The following PNMA2 variants were observed in gnomAD, a reference collection of about 807,000 sequenced individuals.
The protein encoded by PNMA2 is PNMA family member 2, also known as paraneoplastic antigen Ma2.
For synonymous variants in PNMA2, 175 were observed against 183.5 expected (o/e 0.95, Z 0.38); for missense variants, 455 against 452.9 (o/e 1.00, Z -0.04).
Position 26,507,535 on chromosome 8 carries a change from G to A in PNMA2, c.*126C>T. On this transcript the variant is annotated 3_prime_UTR_variant, in exon 3 of 3. Transcript: ENST00000522362. ...GAGAAGGAGAGAAGGAGGAAGGGAG[G>A]GAAGGAAGGAAGGAAGGAAGGTCAA... 2.8e-6 allele frequency: 2 copies of A among 704,578 alleles called. No individual in the cohort carries two copies. The highest frequency in any genetic ancestry group is 4.5e-6 in the Non-Finnish European group (2 of 443,574). The allele number at this position is 704,578 out of a possible 1,614,324, so 43.6% of individuals were successfully genotyped here.
In PNMA2 at chr8:26,507,266, C is replaced by G. The variant is rs1324750386; in HGVS notation, c.*395G>C. On this transcript the variant is annotated 3_prime_UTR_variant, in exon 3 of 3. Coordinates refer to ENST00000522362, the MANE Select transcript of PNMA2 (RefSeq NM_007257.6). Reference sequence around the variant, plus strand: ...CAACACAGCAAAACCCTGTCTCTACCAAAAATACAAAAGAATAGCTAGGCA... The same window carrying G: ...CAACACAGCAAAACCCTGTCTCTACGAAAAATACAAAAGAATAGCTAGGCA... The G allele has an allele frequency of 6.4e-6, 1 of 156,174 alleles. No individual in the cohort carries two copies. The highest frequency in any genetic ancestry group is 1.9e-4 in the East Asian group (1 of 5,314). The allele number at this position is 156,174 out of a possible 1,614,324, so 9.7% of individuals were successfully genotyped here.
chr8:26,510,407 A>G (rs1808128736), intron 1 of PNMA2, among the ~76,000 whole-genome samples: 1 of 152,172 alleles, frequency 6.6e-6, no homozygotes, highest in Non-Finnish European at 1.5e-5. Flanking sequence ...ATAGACTAAG[A>G]CAATAAGTTA....
At chr8:26,511,994 T>C (rs2117585040) in intron 1 of PNMA2, among the ~76,000 whole-genome samples, 1 of 152,342 alleles carries the variant, frequency 6.6e-6, no homozygotes, top group East Asian at 1.9e-4. Context: ...AGAAACACCC[T>C]TGATATACAA....
Position 26,508,043 on chromosome 8 carries a change from T to G in PNMA2, c.713A>C (p.Lys238Thr), listed in dbSNP as rs748084769. The G allele has an allele frequency of 1.2e-6, 2 of 1,614,256 alleles. No homozygotes were observed. The highest frequency in any genetic ancestry group is 8.5e-7 in the Non-Finnish European group (1 of 1,180,042). ...ISVEECLEAF[K>T]QVFGSLESRR... The stretch of plus-strand genomic sequence containing the variant: ...GCTCTCTAGGCTCCCAAACACTTGC[T>G]TAAAGGCCTCCAAACACTCTTCTAC... Residue 238 changes from lysine to threonine, a missense_variant, in exon 3 of 3, where the codon AAG becomes ACG. By Grantham distance (78) the Lys-to-Thr change is moderately conservative. Transcript: ENST00000522362. The surrounding 1 kb of genome is among the most constrained non-coding windows in gnomAD (Gnocchi z 5.5).
At chr8:26,510,312 G>A (rs190017069) in intron 1 of PNMA2, among the ~76,000 whole-genome samples, 2 of 152,252 alleles carry the variant, frequency 1.3e-5, no homozygotes, top group East Asian at 1.9e-4. Flanking sequence ...CATACTTCTT[G>A]TACAGCCTGC....
Position 26,508,361 on chromosome 8 carries a change from G to T in PNMA2, c.395C>A (p.Ala132Asp). ...RALGQEGVSP[A>D]TVPCISPELL... is the part of the protein sequence containing the mutation. ...TTCTGGTGAGATGCAGGGCACTGTGGCTGGAGACACGCCCTCCTGCCCCAG... is the reference window on the plus strand; with the variant it reads ...TTCTGGTGAGATGCAGGGCACTGTGTCTGGAGACACGCCCTCCTGCCCCAG... Residue 132 changes from alanine to aspartate, a missense_variant, in exon 3 of 3, where the codon GCC becomes GAC. Transcript: ENST00000522362. This position sits in a 1 kb window ranked among gnomAD's most constrained non-coding sequence, Gnocchi z 5.5. 6.2e-7 allele frequency: 1 copy of T among 1,614,094 alleles called. No individual in the cohort carries two copies. Among genetic ancestry groups the T allele is most frequent in the Non-Finnish European group, 8.5e-7 (1 of 1,179,970 alleles).
chr8:26,507,699 C>A lies in PNMA2; in HGVS notation c.1057G>T (p.Asp353Tyr), dbSNP rs1470416049. Residue 353 changes from aspartate to tyrosine, a missense_variant, in exon 3 of 3, where the codon GAT becomes TAT. Asp to Tyr is a radical substitution (Grantham distance 160). Transcript: ENST00000522362. ...NESIEEPEER[D>Y]GYGRWNHEGD... ...TCATGATTCCAGCGGCCATAGCCAT[C>A]TCGTTCCTCTGGCTCTTCGATACTC... 1 of 1,580,584 alleles carries A rather than the reference C, an allele frequency of 6.3e-7. No individual in the cohort carries two copies. Among genetic ancestry groups the A allele is most frequent in the East Asian group, 2.2e-5 (1 of 44,682 alleles).
rs112812789 is a variant in PNMA2, at chr8:26,513,451, C to G, written c.-619+365G>C. ...AGTGGATGCACGAAGCGGGAACCTT[C>G]TCGTTTCAGTCTCTGCTCCCTGCAG... On this transcript the variant is annotated intron_variant, in intron 1 of 2. Coordinates refer to ENST00000522362, the MANE Select transcript of PNMA2 (RefSeq NM_007257.6). 1.5e-4 allele frequency among the ~76,000 whole-genome samples: 22 copies of G among 147,628 alleles called. No homozygotes were observed. The East Asian group carries it at 4.6e-3, about 31-fold the overall frequency.
In PNMA2 at chr8:26,507,826, G is replaced by C. The variant is rs1211131178; in HGVS notation, c.930C>G (p.Cys310Trp). 8 of 1,613,688 alleles carry C rather than the reference G, an allele frequency of 5.0e-6. No individual in the cohort carries two copies. The South Asian group carries it at 8.8e-5, about 18-fold the overall frequency. ...CCTGATCCTTCAGCTCCCTAAGCCG[G>C]CACCACAGCATCTGGTTAAGAGTGG... is the stretch of plus-strand genomic sequence containing the variant. ...AGATLNQMLWCRLRELKDQGP... is the reference protein window; with the variant it reads ...AGATLNQMLWWRLRELKDQGP... Residue 310 changes from cysteine to tryptophan, a missense_variant, in exon 3 of 3, where the codon TGC (cysteine) becomes TGG (tryptophan). By Grantham distance (215) the Cys-to-Trp change is radical. Coordinates refer to ENST00000522362, the MANE Select transcript of PNMA2 (RefSeq NM_007257.6).
chr8:26,505,373 C>CTACA lies in PNMA2; in HGVS notation c.*2284_*2287dup, dbSNP rs1808029928. ...CAGTATGCACAAATCTACCACAAGA[C>CTACA]TACACATCAACTGTGTTGGAGATTT... On this transcript the variant is annotated 3_prime_UTR_variant, in exon 3 of 3. Transcript: ENST00000522362. The CTACA allele has an allele frequency of 6.2e-6, 1 of 161,538 alleles. No individual in the cohort carries two copies. The highest frequency in any genetic ancestry group is 1.4e-5 in the Non-Finnish European group (1 of 71,296). The allele number at this position is 161,538 out of a possible 1,614,324, so 10.0% of individuals were successfully genotyped here.
rs1808094217 is a variant in PNMA2, at chr8:26,508,609, A to G, written c.147T>C (p.Tyr49=). Residue 49 remains tyrosine (Y), a synonymous_variant, in exon 3 of 3, where the codon TAT becomes TAC. Coordinates refer to ENST00000522362, the MANE Select transcript of PNMA2 (RefSeq NM_007257.6). The surrounding 1 kb of genome is among the most constrained non-coding windows in gnomAD (Gnocchi z 5.5). ...TCCGGAATATCTTGCCAAGCAGTCT[A>G]TACCTGCCCAGAGACTTTAAAGTCT... ...LQETLKSLGR[Y]RLLGKIFRKQ... 16 of 1,614,180 alleles carry G rather than the reference A, an allele frequency of 9.9e-6. No individual in the cohort carries two copies. The East Asian group carries it at 3.1e-4, about 31-fold the overall frequency.
Position 26,508,988 on chromosome 8 carries a change from T to C in PNMA2, c.-233A>G. The stretch of plus-strand genomic sequence containing the variant: ...TTCTTGTCTTTAGGCCTGACCCAGG[T>C]GGGCAGGTCGTATCTCAGTTCTAAC... On this transcript the variant is annotated 5_prime_UTR_variant, in exon 3 of 3. Coordinates refer to ENST00000522362, the MANE Select transcript of PNMA2 (RefSeq NM_007257.6). This position sits in a 1 kb window ranked among gnomAD's most constrained non-coding sequence, Gnocchi z 5.5. 8.5e-7 allele frequency: 1 copy of C among 1,181,694 alleles called. No individual in the cohort carries two copies. The highest frequency in any genetic ancestry group is 1.1e-6 in the Non-Finnish European group (1 of 904,764). 73.2% of individuals were successfully genotyped at this position (1,181,694 alleles called of 1,614,324 possible).
chr8:26,508,612 C>A lies in PNMA2; in HGVS notation c.144G>T (p.Arg48Ser), dbSNP rs753872409. The change falls in exon 3 of 3, where the codon AGG (arginine) becomes AGT (serine). Residue 48 changes from arginine to serine, a missense_variant. Physicochemically the swap from Arg to Ser is moderately radical, Grantham distance 110. Coordinates refer to ENST00000522362, the MANE Select transcript of PNMA2 (RefSeq NM_007257.6). The surrounding 1 kb of genome is among the most constrained non-coding windows in gnomAD (Gnocchi z 5.5). ...VLQETLKSLG[R>S]YRLLGKIFRK... ...GGAATATCTTGCCAAGCAGTCTATACCTGCCCAGAGACTTTAAAGTCTCCT... is the reference window on the plus strand; with the variant it reads ...GGAATATCTTGCCAAGCAGTCTATAACTGCCCAGAGACTTTAAAGTCTCCT... 4 of 1,614,180 alleles carry A rather than the reference C, an allele frequency of 2.5e-6. No homozygotes were observed. Among genetic ancestry groups the A allele is most frequent in the East Asian group, 4.5e-5 (2 of 44,870 alleles).
chr8:26,507,312 C>G lies in PNMA2; in HGVS notation c.*349G>C, dbSNP rs1455395757. 1.1e-5 allele frequency: 2 copies of G among 182,198 alleles called. No homozygotes were observed. The highest frequency in any genetic ancestry group is 1.2e-4 in the Admixed American group (2 of 16,774). The allele number at this position is 182,198 out of a possible 1,614,324, so 11.3% of individuals were successfully genotyped here. On this transcript the variant is annotated 3_prime_UTR_variant, in exon 3 of 3. Coordinates refer to ENST00000522362, the MANE Select transcript of PNMA2 (RefSeq NM_007257.6). Reference sequence around the variant, plus strand: ...AGGCATGGTGGTGCGTGCCTGTAGTCCCAGGTACTTGGGAGGCTAAGGTGT... The same window carrying G: ...AGGCATGGTGGTGCGTGCCTGTAGTGCCAGGTACTTGGGAGGCTAAGGTGT...
rs191314113 is a variant in PNMA2, at chr8:26,504,868, T to C, written c.*2793A>G. The C allele has an allele frequency of 1.2e-4, 18 of 152,666 alleles. No homozygotes were observed. Among genetic ancestry groups the C allele is most frequent in the Admixed American group, 6.5e-4 (10 of 15,296 alleles). The allele number at this position is 152,666 out of a possible 1,614,324, so 9.5% of individuals were successfully genotyped here. A position where few individuals can be genotyped will look rare whatever the true frequency, so the allele number is the denominator to read the frequency against. On this transcript the variant is annotated 3_prime_UTR_variant, in exon 3 of 3. Coordinates refer to ENST00000522362, the MANE Select transcript of PNMA2 (RefSeq NM_007257.6). Reference sequence around the variant, plus strand: ...GTGGAACAGTATTAAAAATAGAATTTAGAAAGATAAATGATCACAAGTGAT... The same window carrying C: ...GTGGAACAGTATTAAAAATAGAATTCAGAAAGATAAATGATCACAAGTGAT...
intron 1 of PNMA2, among the ~76,000 whole-genome samples, chr8:26,511,151 CA>C (rs34369103): frequency 0.039 from 4,497 of 115,792 alleles, 201 homozygotes; most frequent in African/African-American, 0.14. Flanking sequence ...GACTCTGTCT[CA>C]AAAAAAAAAA....
rs1808109822 is a variant in PNMA2 at position 26,509,382 on chromosome 8, C to A, written c.-488-139G>T. 1 of 152,328 alleles carries A rather than the reference C, an allele frequency of 6.6e-6. No individual in the cohort carries two copies. Among genetic ancestry groups the A allele is most frequent in the Non-Finnish European group, 1.5e-5 (1 of 68,108 alleles). The allele number at this position is 152,328 out of a possible 1,614,324, so 9.4% of individuals were successfully genotyped here. A position where few individuals can be genotyped will look rare whatever the true frequency, so the allele number is the denominator to read the frequency against. ...TGCATTTGTCCCACTCTGTCAGACC[C>A]CTTCTTTGCTCACTGTGACTTTTTT... On this transcript the variant is annotated intron_variant, in intron 2 of 2. Coordinates refer to ENST00000522362, the MANE Select transcript of PNMA2 (RefSeq NM_007257.6). This position sits in a 1 kb window ranked among gnomAD's most constrained non-coding sequence, Gnocchi z 5.7.
chr8:26,513,261 G>A (rs1808201118), intron 1 of PNMA2, among the ~76,000 whole-genome samples: 1 of 151,866 alleles, frequency 6.6e-6, no homozygotes, highest in South Asian at 2.1e-4. Context: ...TCTTTAAGTC[G>A]TGGCCCTGGG....
rs138447032 is a variant in PNMA2 at position 26,507,718 on chromosome 8, G to A, written c.1038C>T (p.Ile346=). The change falls in exon 3 of 3, where the codon ATC becomes ATT. Residue 346 remains isoleucine (I), a synonymous_variant. Transcript: ENST00000522362. ...EEEASFENES[I]EEPEERDGYG... is the part of the protein sequence containing the mutation. Reference sequence around the variant, plus strand: ...AGCCATCTCGTTCCTCTGGCTCTTCGATACTCTCATTCTCAAAGGAGGCCT... The same window carrying A: ...AGCCATCTCGTTCCTCTGGCTCTTCAATACTCTCATTCTCAAAGGAGGCCT... The A allele has an allele frequency of 1.1e-5, 17 of 1,598,756 alleles. No homozygotes were observed. The South Asian group carries it at 1.8e-4, about 17-fold the overall frequency.
Sources: allele counts gnomAD v4.1 joint callset (sites outside exome capture counted in the v4.1 genomes callset), GRCh38; gene constraint gnomAD v4.1.1; non-coding constraint Gnocchi (gnomAD v3.1); transcripts MANE v1.5; gene names NCBI Gene and HGNC (gene_info 2026-07-23, HGNC 2026-07-21).